The following IPO5 variants were observed in gnomAD, a reference collection of about 807,000 sequenced individuals.
IPO5 encodes the protein importin-5.
In IPO5, 18 loss-of-function variants were observed where a neutral mutation model predicts 143.3. That is an observed-to-expected ratio of 0.13 (90% confidence interval 0.09 to 0.19). The LOEUF (loss-of-function observed/expected upper bound fraction) is 0.19. Among genes scored for constraint, IPO5 ranks in the 10% least tolerant of loss-of-function variants. The pLI, the probability that IPO5 is intolerant of heterozygous loss-of-function variation, is 1.00. For missense variants in IPO5, 1,013 were observed against 1,336.9 expected, an observed-to-expected ratio of 0.76 and a Z score of 3.78; for synonymous variants, 477 against 465.7, an observed-to-expected ratio of 1.02 and a Z score of -0.31.
intron 3 of IPO5, among the ~76,000 whole-genome samples, chr13:97,971,247 C>G (rs1885804150): frequency 6.6e-6 from 1 of 152,190 alleles, no homozygotes; most frequent in Non-Finnish European, 1.5e-5. Context: ...GTGTTCCATT[C>G]CACAATTTAC....
chr13:97,982,631 T>C (rs761553520), intron 5 of IPO5, 48 bp downstream of exon 5: 2 of 1,161,608 alleles, frequency 1.7e-6, no homozygotes, highest in Admixed American at 1.8e-5. Flanking sequence ...AAATAAGTTA[T>C]TAGATGATGA....
intron 5 of IPO5, among the ~76,000 whole-genome samples, chr13:97,982,883 A>G (rs1886971697): frequency 6.6e-6 from 1 of 152,120 alleles, no homozygotes; most frequent in African/African-American, 2.4e-5. Flanking sequence ...GATTTGATTG[A>G]TTGATTTTGA....
Position 97,982,545 on chromosome 13 carries a change from C to G in IPO5, c.133C>G (p.Leu45Val). 1 of 1,612,748 alleles carries G rather than the reference C, an allele frequency of 6.2e-7. No homozygotes were observed. Among genetic ancestry groups the G allele is most frequent in the Non-Finnish European group, 8.5e-7 (1 of 1,178,970 alleles). ...CCCAGGCCAGTCAAAGATCACATTC[C>G]TCTTACAAGCCATCAGAAATACAAC... ...NIPGQSKITF[L>V]LQAIRNTTAA... The change falls in exon 5 of 29, where the codon CTC (leucine) becomes GTC (valine). Residue 45 changes from leucine (L) to valine (V), a missense_variant. Transcript: ENST00000651721.
chr13:98,000,466 G>A, intron 12 of IPO5, 73 bp from the exon 13 acceptor site: 1 of 929,482 alleles, frequency 1.1e-6, no homozygotes, highest in Middle Eastern at 2.1e-4. Flanking sequence ...ATGGTTAGAA[G>A]TATGTCTGTA....
intron 17 of IPO5, among the ~76,000 whole-genome samples, chr13:98,006,731 G>C (rs1889289254): frequency 6.6e-6 from 1 of 152,018 alleles, no homozygotes; most frequent in African/African-American, 2.4e-5. Flanking sequence ...GGCATTGAGA[G>C]TACTAGAGGG....
intron 5 of IPO5, among the ~76,000 whole-genome samples, chr13:97,984,984 T>G (rs61221199): frequency 1.3e-5 from 2 of 152,212 alleles, no homozygotes; most frequent in African/African-American, 2.4e-5. Flanking sequence ...TTATCTAAGA[T>G]GCTAATGAAA....
chr13:98,007,002 A>G (rs535735156), intron 17 of IPO5, among the ~76,000 whole-genome samples: 1 of 150,382 alleles, frequency 6.6e-6, no homozygotes, highest in Non-Finnish European at 1.5e-5. Flanking sequence ...GGTAGCTGAG[A>G]TTACAGGCAC....
chr13:97,980,236 T>C (rs1886724014), intron 4 of IPO5, among the ~76,000 whole-genome samples: 1 of 152,196 alleles, frequency 6.6e-6, no homozygotes, highest in Non-Finnish European at 1.5e-5. Flanking sequence ...CTTAGACTGT[T>C]TAACCATTAT....
At chr13:97,980,309 A>C (rs920696674) in intron 4 of IPO5, among the ~76,000 whole-genome samples, 5 of 152,220 alleles carry the variant, frequency 3.3e-5, no homozygotes, top group Admixed American at 2.6e-4. Flanking sequence ...GGAACATATC[A>C]CATGGAGAGA....
chr13:98,010,153 C>T lies in IPO5; in HGVS notation c.1984C>T (p.Leu662Phe), dbSNP rs745538786. The T allele has an allele frequency of 6.2e-7, 1 of 1,614,058 alleles. No individual in the cohort carries two copies. The highest frequency in any genetic ancestry group is 2.2e-5 in the East Asian group (1 of 44,860). ...TGATGATGGTTGGGAATTTGTGAAC[C>T]TTGGAGATCAGCAAAGCTTTGGTAT... is the stretch of plus-strand genomic sequence containing the variant. ...SDDDGWEFVN[L>F]GDQQSFGIKT... The change falls in exon 20 of 29, where the codon CTT becomes TTT. Residue 662 changes from leucine to phenylalanine, a missense_variant. Physicochemically the swap from Leu to Phe is conservative, Grantham distance 22. Around this residue, in one of 2 missense-constraint regions of IPO5, gnomAD observed 685 missense variants for 994.9 expected, o/e 0.69. Transcript: ENST00000651721.
chr13:97,958,831 T>G (rs1409293794), intron 2 of IPO5, among the ~76,000 whole-genome samples: 1 of 140,774 alleles, frequency 7.1e-6, no homozygotes, highest in African/African-American at 2.7e-5. Flanking sequence ...TCAGGTCAGA[T>G]CTCTTTCTTA....
chr13:98,022,188 C>T lies in IPO5; in HGVS notation c.*366C>T, dbSNP rs1288024919. 2 of 161,582 alleles carry T rather than the reference C, an allele frequency of 1.2e-5. No individual in the cohort carries two copies. The highest frequency in any genetic ancestry group is 1.7e-4 in the East Asian group (1 of 5,844). The allele number at this position is 161,582 out of a possible 1,614,324, so 10.0% of individuals were successfully genotyped here. Reference sequence around the variant, plus strand: ...GTTACTCAGCGTAGATGTGTGTTCACACAAATTGCTCTGCATTCAGTGTTC... The same window carrying T: ...GTTACTCAGCGTAGATGTGTGTTCATACAAATTGCTCTGCATTCAGTGTTC... On this transcript the variant is annotated 3_prime_UTR_variant, in exon 29 of 29. Coordinates refer to ENST00000651721, the MANE Select transcript of IPO5 (RefSeq NM_002271.6).
chr13:97,997,231 A>T (rs958078467), intron 11 of IPO5, among the ~76,000 whole-genome samples: 1 of 152,214 alleles, frequency 6.6e-6, no homozygotes, highest in Non-Finnish European at 1.5e-5. Context: ...TGAAAAAACA[A>T]TTGCGGAATG....
At chr13:97,987,013 C>T (rs185961306) in intron 6 of IPO5, 59 of 160,942 alleles carry the variant, frequency 3.7e-4, no homozygotes, top group African/African-American at 1.2e-3. Context: ...AACTAGCCTG[C>T]GGAGGTTGGT....
At chr13:97,987,601 C>T (rs1229150338) in intron 6 of IPO5, among the ~76,000 whole-genome samples, 1 of 152,142 alleles carries the variant, frequency 6.6e-6, no homozygotes, top group Non-Finnish European at 1.5e-5. Context: ...CTTACCGCAG[C>T]CTCCACCTCC....
chr13:97,993,512 T>A (rs1321301311), intron 11 of IPO5, among the ~76,000 whole-genome samples: 1 of 152,188 alleles, frequency 6.6e-6, no homozygotes, highest in East Asian at 1.9e-4. Context: ...GCACAGTTAA[T>A]AGAGTCAAAA....
intron 6 of IPO5, among the ~76,000 whole-genome samples, chr13:97,988,565 A>G (rs1887565358): frequency 6.6e-6 from 1 of 152,240 alleles, no homozygotes; most frequent in South Asian, 2.1e-4. Flanking sequence ...AGGCAAGTGG[A>G]TCACCCAAGG....
At chr13:97,968,838 G>C (rs1031824805) in intron 2 of IPO5, among the ~76,000 whole-genome samples, 6 of 151,764 alleles carry the variant, frequency 4.0e-5, no homozygotes, top group African/African-American at 1.2e-4. Flanking sequence ...ACAGCCGCCT[G>C]CCACTACACC....
intron 2 of IPO5, among the ~76,000 whole-genome samples, chr13:97,956,415 GA>G (rs1035756163): frequency 9.2e-5 from 14 of 152,116 alleles, no homozygotes; most frequent in Non-Finnish European, 2.1e-4. Flanking sequence ...AAAGTAGGTT[GA>G]GCATTTTTAA....
Sources: gnomAD v4.1 joint callset for allele counts (sites outside exome capture counted in the v4.1 genomes callset) on GRCh38, gnomAD v4.1.1 for gene constraint, gnomAD v4.1.1 regional missense constraint, MANE v1.5 for transcripts, NCBI Gene and HGNC (gene_info 2026-07-23, HGNC 2026-07-21) for gene names.